Variants in TAFA2 observed in about 807,000 individuals in gnomAD.
The protein encoded by TAFA2 is TAFA chemokine like family member 2, also known as chemokine-like protein TAFA-2.
In TAFA2, 7 loss-of-function variants were observed where a neutral mutation model predicts 18.8. The ratio of observed to expected loss-of-function variants is 0.37; its 90% CI spans 0.21 to 0.70. The LOEUF (loss-of-function observed/expected upper bound fraction) is 0.70, where lower values mean the gene tolerates loss of function less well. TAFA2 is among the 30% of genes least tolerant of loss of function. TAFA2 has a pLI of 0.53. For missense variants in TAFA2, 122 were observed against 158.1 expected (o/e 0.77, Z 1.23); for synonymous variants, 60 against 54.2 (o/e 1.11, Z -0.47).
At chr12:61,738,720 C>T (rs1266445598) in intron 4 of TAFA2, among the ~76,000 whole-genome samples, 1 of 152,048 alleles carries the variant, frequency 6.6e-6, no homozygotes, top group Non-Finnish European at 1.5e-5. Flanking sequence ...TTCTCAAGCA[C>T]TGAAATCCAT....
intron 1 of TAFA2, among the ~76,000 whole-genome samples, chr12:62,161,846 A>G (rs1565765790): frequency 6.6e-6 from 1 of 152,184 alleles, no homozygotes; most frequent in African/African-American, 2.4e-5. Context: ...GTTTAATATT[A>G]TAAGTGTTTG....
intron 1 of TAFA2, among the ~76,000 whole-genome samples, chr12:61,925,623 T>C (rs1028561388): frequency 6.6e-6 from 1 of 152,168 alleles, no homozygotes; most frequent in Admixed American, 6.6e-5. Context: ...AGAGGGAAAT[T>C]TATAGCACTA....
At chr12:62,069,178 T>G (rs1255559413) in intron 1 of TAFA2, among the ~76,000 whole-genome samples, 2 of 152,168 alleles carry the variant, frequency 1.3e-5, no homozygotes, top group African/African-American at 4.8e-5. Context: ...CCAGGCTGAC[T>G]CCTTTCTCAC....
chr12:62,224,569 CT>C (rs1436251640), intron 1 of TAFA2, among the ~76,000 whole-genome samples: 1 of 152,144 alleles, frequency 6.6e-6, no homozygotes, highest in African/African-American at 2.4e-5. Context: ...GCCTCACCCC[CT>C]AATACCATCA....
At chr12:61,963,996 T>C (rs1224178975) in intron 1 of TAFA2, among the ~76,000 whole-genome samples, 1 of 152,066 alleles carries the variant, frequency 6.6e-6, no homozygotes, top group South Asian at 2.1e-4. Context: ...ATTTAATAAA[T>C]GGTGTTGGGA....
At chr12:62,098,975 A>C (rs1394092284) in intron 1 of TAFA2, among the ~76,000 whole-genome samples, 1 of 152,190 alleles carries the variant, frequency 6.6e-6, no homozygotes, top group African/African-American at 2.4e-5. Context: ...ATAATCTAAT[A>C]AACCATAAGA....
chr12:61,863,398 G>A (rs1018013537), intron 2 of TAFA2, among the ~76,000 whole-genome samples: 3 of 152,218 alleles, frequency 2.0e-5, no homozygotes, highest in Non-Finnish European at 4.4e-5. Context: ...TATAAGTACA[G>A]CAGCAAGAGA....
intron 1 of TAFA2, among the ~76,000 whole-genome samples, chr12:61,983,655 C>T (rs1277751280): frequency 7.9e-5 from 12 of 152,210 alleles, no homozygotes; most frequent in Non-Finnish European, 1.5e-5. Context: ...ATCCACCTGC[C>T]TTGCCCTCCC....
chr12:61,841,416 T>A (rs541220167), intron 2 of TAFA2, among the ~76,000 whole-genome samples: 1 of 152,226 alleles, frequency 6.6e-6, no homozygotes, highest in Admixed American at 6.5e-5. Context: ...GGTCTTTCTC[T>A]ATTGTGTGTT....
chr12:61,873,381 A>G lies in TAFA2; in HGVS notation c.-1-5955T>C, dbSNP rs1216487260. Among the ~76,000 whole-genome samples, 5 of 152,146 alleles carry G rather than the reference A, an allele frequency of 3.3e-5. No homozygotes were observed. In the South Asian group the frequency reaches 1.0e-3, roughly 32 times the overall value. ...TTAGTTACATATGTATACATGTGCC[A>G]TGCTGGTGTGCTGCTCTTTCAAGAA... On this transcript the variant is annotated intron_variant, in intron 1 of 4. Transcript: ENST00000416284.
chr12:62,051,371 T>A (rs1385205307), intron 1 of TAFA2, among the ~76,000 whole-genome samples: 1 of 152,102 alleles, frequency 6.6e-6, no homozygotes, highest in Non-Finnish European at 1.5e-5. Context: ...ACTTCACAAG[T>A]CTATAGATCA....
intron 1 of TAFA2, among the ~76,000 whole-genome samples, chr12:61,951,132 A>T (rs1878450679): frequency 6.6e-6 from 1 of 152,142 alleles, no homozygotes; most frequent in Non-Finnish European, 1.5e-5. Context: ...AGTGAGACCT[A>T]ATAAAAAGAA....
intron 4 of TAFA2, among the ~76,000 whole-genome samples, chr12:61,724,848 G>A (rs1235267850): frequency 1.2e-5 from 1 of 80,628 alleles, no homozygotes; most frequent in Non-Finnish European, 2.6e-5. Context: ...TAGTGAGATT[G>A]CTGGATCAAA....
intron 1 of TAFA2, among the ~76,000 whole-genome samples, chr12:61,972,763 C>T (rs893736888): frequency 3.3e-5 from 5 of 151,542 alleles, no homozygotes; most frequent in East Asian, 3.9e-4. Context: ...GGGAAAGAGA[C>T]GGGGCAATGG....
chr12:62,208,065 G>A (rs770143454), intron 1 of TAFA2, among the ~76,000 whole-genome samples: 1 of 152,162 alleles, frequency 6.6e-6, no homozygotes, highest in Non-Finnish European at 1.5e-5. Context: ...TGAATTCAGA[G>A]ACCAGAACAA....
intron 1 of TAFA2, among the ~76,000 whole-genome samples, chr12:61,993,227 A>T (rs1880068520): frequency 6.6e-6 from 1 of 152,176 alleles, no homozygotes; most frequent in Non-Finnish European, 1.5e-5. Flanking sequence ...ACTACAAATC[A>T]ATGCTTCTCA....
chr12:62,255,843 T>C (rs911964058), intron 1 of TAFA2, among the ~76,000 whole-genome samples: 5 of 150,992 alleles, frequency 3.3e-5, no homozygotes, highest in Non-Finnish European at 5.9e-5. Flanking sequence ...AACTGGAGAG[T>C]GAGACTCTGT....
intron 1 of TAFA2, among the ~76,000 whole-genome samples, chr12:62,169,926 T>C (rs1302409267): frequency 2.0e-5 from 3 of 152,014 alleles, no homozygotes; most frequent in African/African-American, 7.2e-5. Context: ...GTTAATTTGT[T>C]CTACCCAAAA....
chr12:61,918,493 T>C (rs1876920724), intron 1 of TAFA2, among the ~76,000 whole-genome samples: 1 of 152,198 alleles, frequency 6.6e-6, no homozygotes. Flanking sequence ...AGGATCTCAT[T>C]ATTTCTTATG....
Sources: gnomAD v4.1 joint callset for allele counts (sites outside exome capture counted in the v4.1 genomes callset) on GRCh38, gnomAD v4.1.1 for gene constraint, MANE v1.5 for transcripts, NCBI Gene and HGNC (gene_info 2026-07-23, HGNC 2026-07-21) for gene names.